Variants in SLC6A15 observed in about 807,000 individuals in gnomAD.
SLC6A15 encodes the protein sodium-dependent neutral amino acid transporter B(0)AT2.
A neutral mutation model predicts 68.5 loss-of-function variants in SLC6A15; 33 were observed. The observed-to-expected ratio is 0.48, with a 90% CI of 0.37 to 0.64. The LOEUF (loss-of-function observed/expected upper bound fraction) is 0.64, where lower values mean the gene tolerates loss of function less well. Ranked by LOEUF, SLC6A15 falls within the 30% of genes least tolerant of loss-of-function variation. SLC6A15 has a pLI of 0.00. For synonymous variants in SLC6A15, 347 were observed against 301.0 expected, an observed-to-expected ratio of 1.15 and a Z score of -1.58; for missense variants, 747 against 874.3, an observed-to-expected ratio of 0.85 and a Z score of 1.84.
In SLC6A15 at chr12:84,892,198, A is replaced by G; in HGVS notation, c.-78T>C. The G allele has an allele frequency of 7.5e-7, 1 of 1,336,316 alleles. No homozygotes were observed. The highest frequency in any genetic ancestry group is 1.0e-6 in the Non-Finnish European group (1 of 980,212). The allele number at this position is 1,336,316 out of a possible 1,614,324, so 82.8% of individuals were successfully genotyped here. On this transcript the variant is annotated 5_prime_UTR_variant, in exon 2 of 12. Transcript: ENST00000266682. ...ATGTGTTAACTCTATTTTTCAAAAC[A>G]ATGTTACTTGATAGGAAGTAAAGAC...
chr12:84,881,939 A>C, intron 5 of SLC6A15: 2 of 985,322 alleles, frequency 2.0e-6, no homozygotes, highest in Non-Finnish European at 2.4e-6. Flanking sequence ...TCTTTCTTCA[A>C]ATATTGCCCA....
chr12:84,877,475 CA>C (rs1565724235), intron 5 of SLC6A15, among the ~76,000 whole-genome samples: 1 of 152,158 alleles, frequency 6.6e-6, no homozygotes, highest in Admixed American at 6.5e-5. Context: ...CTCTGGCCTG[CA>C]AAGTCTTACC....
intron 10 of SLC6A15, among the ~76,000 whole-genome samples, chr12:84,866,569 T>G (rs569812668): frequency 5.3e-5 from 8 of 152,206 alleles, no homozygotes; most frequent in African/African-American, 1.9e-4. Flanking sequence ...ATAAATCAAT[T>G]TAGCAATATA....
At chr12:84,912,209 G>A (rs1179076077) in intron 1 of SLC6A15, among the ~76,000 whole-genome samples, 1 of 152,080 alleles carries the variant, frequency 6.6e-6, no homozygotes, top group East Asian at 1.9e-4. Context: ...TGGGGATGCT[G>A]TGGGCAATTT....
At chr12:84,863,919 A>G (rs976460383) in intron 10 of SLC6A15, among the ~76,000 whole-genome samples, 84 of 151,610 alleles carry the variant, frequency 5.5e-4, no homozygotes, top group Admixed American at 3.5e-3. Context: ...TAATAATTAC[A>G]AAAAGGAATT....
intron 9 of SLC6A15, 58 bp downstream of exon 9, chr12:84,870,420 C>T: frequency 8.0e-7 from 1 of 1,253,974 alleles, no homozygotes. Flanking sequence ...TCTAATCTTT[C>T]ACCAAGAATA....
intron 9 of SLC6A15, among the ~76,000 whole-genome samples, chr12:84,868,713 A>C (rs1398979888): frequency 6.6e-6 from 1 of 152,224 alleles, no homozygotes; most frequent in African/African-American, 2.4e-5. Context: ...GATCCCAAAA[A>C]ACAAGAAGTG....
At chr12:84,869,657 C>T (rs1871207310) in intron 9 of SLC6A15, among the ~76,000 whole-genome samples, 1 of 152,008 alleles carries the variant, frequency 6.6e-6, no homozygotes, top group South Asian at 2.1e-4. Flanking sequence ...TATCCTCTGA[C>T]CCTTGAGAAG....
chr12:84,883,450 C>A, intron 5 of SLC6A15: 1 of 1,137,628 alleles, frequency 8.8e-7, no homozygotes, highest in Non-Finnish European at 1.1e-6. Context: ...ACACCTACAG[C>A]AGAGAGAAAC....
rs1486305381 is a variant in SLC6A15, at chr12:84,892,232, A to T, written c.-112T>A. The T allele has an allele frequency of 2.0e-6, 2 of 986,584 alleles. No homozygotes were observed. Among genetic ancestry groups the T allele is most frequent in the Non-Finnish European group, 2.9e-6 (2 of 683,846 alleles). The allele number at this position is 986,584 out of a possible 1,614,324, so 61.1% of individuals were successfully genotyped here. On this transcript the variant is annotated 5_prime_UTR_variant, in exon 2 of 12. Transcript: ENST00000266682. Reference sequence around the variant, plus strand: ...TGATAGGAAGTAAAGACCGAGGATGATATCAAATAAATCCTTGATTCAAGG... The same window carrying T: ...TGATAGGAAGTAAAGACCGAGGATGTTATCAAATAAATCCTTGATTCAAGG...
intron 1 of SLC6A15, among the ~76,000 whole-genome samples, chr12:84,893,820 T>C (rs188303390): frequency 2.6e-5 from 4 of 152,346 alleles, no homozygotes; most frequent in East Asian, 1.9e-4. Flanking sequence ...AATTAAAATA[T>C]ATACCCTAAG....
Position 84,861,582 on chromosome 12 carries a change from TG to T in SLC6A15, c.*49del. ...CTAATGCTTCTCCTACTAGGGCCAA[TG>T]TTCATTGGTAAAAATGAACCAAATA... On this transcript the variant is annotated 3_prime_UTR_variant, in exon 12 of 12. Coordinates refer to ENST00000266682, the MANE Select transcript of SLC6A15 (RefSeq NM_182767.6). 6.5e-7 allele frequency: 1 copy of T among 1,541,380 alleles called. No homozygotes were observed. Among genetic ancestry groups the T allele is most frequent in the South Asian group, 1.3e-5 (1 of 79,446 alleles).
At chr12:84,881,931 T>G in intron 5 of SLC6A15, 2 of 985,428 alleles carry the variant, frequency 2.0e-6, no homozygotes, top group Non-Finnish European at 2.4e-6. Context: ...TGTTAAATTC[T>G]TTCTTCAAAT....
chr12:84,910,927 C>CTCTCTCTCT (rs1565736492), intron 1 of SLC6A15, among the ~76,000 whole-genome samples: 4 of 129,058 alleles, frequency 3.1e-5, no homozygotes, highest in African/African-American at 1.2e-4. Flanking sequence ...CGCCCTCTTT[C>CTCTCTCTCT]CGTGTGTGTG....
Position 84,876,626 on chromosome 12 carries a change from A to T in SLC6A15, c.757-19T>A. 1 of 1,297,028 alleles carries T rather than the reference A, an allele frequency of 7.7e-7. No homozygotes were observed. The highest frequency in any genetic ancestry group is 1.1e-6 in the Non-Finnish European group (1 of 921,178). The allele number at this position is 1,297,028 out of a possible 1,614,324, so 80.3% of individuals were successfully genotyped here. The stretch of plus-strand genomic sequence containing the variant: ...ATATGATCTGCAAAGAAATAAAAAT[A>T]AAAATAAGTGAGATACAATGACCAT... On this transcript the variant is annotated intron_variant, in intron 5 of 11. Transcript: ENST00000266682.
intron 1 of SLC6A15, among the ~76,000 whole-genome samples, chr12:84,904,224 G>GGAGGGAGAGAGA (rs1555183257): frequency 4.1e-5 from 5 of 121,996 alleles, no homozygotes; most frequent in Non-Finnish European, 6.4e-5. Context: ...GGGCGGAGGG[G>GGAGGGAGAGAGA]GAGAGAGAGA....
chr12:84,863,240 G>T (rs1460629911), intron 11 of SLC6A15, among the ~76,000 whole-genome samples, 199 bp downstream of exon 11: 2 of 152,102 alleles, frequency 1.3e-5, no homozygotes, highest in Non-Finnish European at 2.9e-5. Context: ...TGCTTCACAT[G>T]TGTTGAAAAC....
intron 6 of SLC6A15, chr12:84,874,498 A>G (rs1468978368): frequency 6.6e-6 from 1 of 152,202 alleles, no homozygotes; most frequent in African/African-American, 2.4e-5. Flanking sequence ...AAGTTTACAC[A>G]GCAGCTCTGA....
At chr12:84,879,659 A>T (rs1207890044) in intron 5 of SLC6A15, among the ~76,000 whole-genome samples, 1 of 151,766 alleles carries the variant, frequency 6.6e-6, no homozygotes, top group Non-Finnish European at 1.5e-5. Context: ...CTGTTACTCC[A>T]CTTAGTATGT....
Sources: gnomAD v4.1 joint callset for allele counts (sites outside exome capture counted in the v4.1 genomes callset) on GRCh38, gnomAD v4.1.1 for gene constraint, MANE v1.5 for transcripts, NCBI Gene and HGNC (gene_info 2026-07-23, HGNC 2026-07-21) for gene names.